Variants in SLCO5A1 observed in about 807,000 individuals in gnomAD.
SLCO5A1 encodes solute carrier organic anion transporter family member 5A1.
SLCO5A1 carries 39 observed loss-of-function variants against 65.1 expected under a neutral mutation model. The ratio of observed to expected loss-of-function variants is 0.60; its 90% confidence interval spans 0.46 to 0.78. SLCO5A1 has a LOEUF of 0.78. Among genes scored for constraint, SLCO5A1 ranks in the 30% least tolerant of loss-of-function variants. The pLI is 0.00. For missense variants in SLCO5A1, 1,029 were observed against 1,069.4 expected (o/e 0.96, Z 0.53); for synonymous variants, 438 against 415.7 (o/e 1.05, Z -0.65).
chr8:69,711,698 G>A (rs758615238), intron 5 of SLCO5A1, among the ~76,000 whole-genome samples: 5 of 152,168 alleles, frequency 3.3e-5, no homozygotes, highest in Non-Finnish European at 5.9e-5. Flanking sequence ...ATGTCTTCAG[G>A]CAAATTACTG....
intron 5 of SLCO5A1, among the ~76,000 whole-genome samples, chr8:69,717,141 C>T (rs1015881351): frequency 1.3e-5 from 2 of 152,122 alleles, no homozygotes; most frequent in South Asian, 2.1e-4. Flanking sequence ...CGAACTCCAA[C>T]TCATCTATTT....
At chr8:69,743,161 A>G (rs547169405) in intron 4 of SLCO5A1, among the ~76,000 whole-genome samples, 192 of 152,276 alleles carry the variant, frequency 1.3e-3, no homozygotes, top group African/African-American at 4.2e-3. Context: ...GATCAGTCTC[A>G]CTGAGGGCAG....
intron 2 of SLCO5A1, among the ~76,000 whole-genome samples, chr8:69,763,527 G>T (rs981523153): frequency 1.6e-4 from 23 of 145,506 alleles, no homozygotes; most frequent in African/African-American, 5.5e-4. Context: ...GGCTGAGGTG[G>T]GAAAATCACT....
chr8:69,676,600 G>A lies in SLCO5A1; in HGVS notation c.2089+9C>T. ...ACTAAGAGGTACACTTGGAAATTCA[G>A]GGACGTACCAAGTGTTCGCAACAAA... On this transcript the variant is annotated intron_variant, in intron 9 of 9. Coordinates refer to ENST00000260126, the MANE Select transcript of SLCO5A1 (RefSeq NM_030958.3). 2 of 1,610,108 alleles carry A rather than the reference G, an allele frequency of 1.2e-6. No homozygotes were observed. Among genetic ancestry groups the A allele is most frequent in the Non-Finnish European group, 1.7e-6 (2 of 1,178,092 alleles).
At chr8:69,772,851 G>T in intron 2 of SLCO5A1, 2 of 822,476 alleles carry the variant, frequency 2.4e-6, no homozygotes, top group Non-Finnish European at 2.9e-6. Flanking sequence ...CACTGGGACA[G>T]GGAGGGCTCA....
chr8:69,806,050 A>G (rs577059442), intron 2 of SLCO5A1, among the ~76,000 whole-genome samples: 1 of 152,224 alleles, frequency 6.6e-6, no homozygotes, highest in Non-Finnish European at 1.5e-5. Context: ...TGACCACAGT[A>G]CTACTAAATT....
At chr8:69,740,828 A>G (rs1478073893) in intron 4 of SLCO5A1, among the ~76,000 whole-genome samples, 1 of 152,228 alleles carries the variant, frequency 6.6e-6, no homozygotes, top group Non-Finnish European at 1.5e-5. Context: ...AATCTGGGAC[A>G]ATTTGACCTC....
intron 4 of SLCO5A1, among the ~76,000 whole-genome samples, chr8:69,741,315 C>T (rs1816779227): frequency 6.6e-6 from 1 of 152,078 alleles, no homozygotes; most frequent in Non-Finnish European, 1.5e-5. Context: ...TGAATCAACC[C>T]TATATATTAA....
chr8:69,767,912 C>CAAAAAG (rs1232653381), intron 2 of SLCO5A1, among the ~76,000 whole-genome samples: 1 of 111,578 alleles, frequency 9.0e-6, no homozygotes, highest in Non-Finnish European at 1.8e-5. Context: ...AAAAAAAAAA[C>CAAAAAG]AAAAAGAAAA....
chr8:69,761,367 C>G, intron 3 of SLCO5A1: 1 of 188,438 alleles, frequency 5.3e-6, no homozygotes. Context: ...TCTTTGCTCG[C>G]AGCCCCTTCC....
chr8:69,731,148 T>A (rs1460721900), intron 5 of SLCO5A1, among the ~76,000 whole-genome samples: 2 of 152,136 alleles, frequency 1.3e-5, no homozygotes, highest in Non-Finnish European at 2.9e-5. Context: ...TATAGGCACG[T>A]GTCACCACGC....
At chr8:69,773,673 A>C (rs1217692531) in intron 2 of SLCO5A1, among the ~76,000 whole-genome samples, 1 of 152,252 alleles carries the variant, frequency 6.6e-6, no homozygotes, top group African/African-American at 2.4e-5. Context: ...GAATTTCTAT[A>C]GTAAAAGCAA....
intron 5 of SLCO5A1, among the ~76,000 whole-genome samples, chr8:69,732,022 T>G (rs1458596208): frequency 6.6e-6 from 1 of 152,202 alleles, no homozygotes; most frequent in Non-Finnish European, 1.5e-5. Flanking sequence ...GCTCATAAAC[T>G]TATATAAAAG....
intron 5 of SLCO5A1, among the ~76,000 whole-genome samples, chr8:69,715,748 A>G (rs1815492232): frequency 6.6e-6 from 1 of 152,182 alleles, no homozygotes; most frequent in African/African-American, 2.4e-5. Context: ...GGAAGACCAG[A>G]GCAGACATTT....
intron 2 of SLCO5A1, among the ~76,000 whole-genome samples, chr8:69,823,451 A>G (rs560561024): frequency 1.7e-4 from 26 of 152,306 alleles, no homozygotes; most frequent in Middle Eastern, 3.4e-3. Flanking sequence ...CAAATGGAAA[A>G]CAAAAAAAGG....
chr8:69,743,654 C>T (rs1816898552), intron 4 of SLCO5A1, among the ~76,000 whole-genome samples: 1 of 152,166 alleles, frequency 6.6e-6, no homozygotes, highest in African/African-American at 2.4e-5. Flanking sequence ...CTGCAAGTCC[C>T]TGTCACACTG....
At chr8:69,777,690 A>G (rs1818616817) in intron 2 of SLCO5A1, among the ~76,000 whole-genome samples, 1 of 152,238 alleles carries the variant, frequency 6.6e-6, no homozygotes, top group Non-Finnish European at 1.5e-5. Flanking sequence ...CATATTGTTC[A>G]GCTCTGTCCC....
chr8:69,693,940 T>C (rs2933062), intron 6 of SLCO5A1, among the ~76,000 whole-genome samples: 93,093 of 152,176 alleles, frequency 0.61, 29,337 homozygotes, highest in African/African-American at 0.77. Flanking sequence ...TTGCCCATAC[T>C]CAGACAGCCA....
In SLCO5A1 at chr8:69,669,437, C is replaced by T. The variant is rs1474906576; in HGVS notation, c.*3432G>A. 1 of 152,194 alleles carries T rather than the reference C, an allele frequency of 6.6e-6. No individual in the cohort carries two copies. The highest frequency in any genetic ancestry group is 1.5e-5 in the Non-Finnish European group (1 of 68,032). 9.4% of individuals were successfully genotyped at this position (152,194 alleles called of 1,614,324 possible). On this transcript the variant is annotated 3_prime_UTR_variant, in exon 10 of 10. Transcript: ENST00000260126. ...ATAATGGAGTGAGAGAAATCTATGT[C>T]TGAATCCTGACTTTACCATTCTGTA...
Sources: allele counts gnomAD v4.1 joint callset (sites outside exome capture counted in the v4.1 genomes callset), GRCh38; gene constraint gnomAD v4.1.1; transcripts MANE v1.5; gene names NCBI Gene and HGNC (gene_info 2026-07-23, HGNC 2026-07-21).